Variants in PVT1 observed in about 807,000 individuals in gnomAD.
PVT1 encodes the protein CXCR4/PVT1 fusion.
intron 3 of PVT1, among the ~76,000 whole-genome samples, chr8:127,946,174 CT>C (rs1816418023): frequency 6.6e-6 from 1 of 152,222 alleles, no homozygotes; most frequent in Non-Finnish European, 1.5e-5. Flanking sequence ...ATTGGCCTTT[CT>C]GCTCATGCTT....
At chr8:127,851,063 CTAAGCATTTT>C (rs1206125684) in intron 2 of PVT1, among the ~76,000 whole-genome samples, 7 of 151,820 alleles carry the variant, frequency 4.6e-5, no homozygotes, top group South Asian at 2.1e-4. Context: ...GAAAAGATTT[CTAAGCATTTT>C]TAAGCATTTT....
chr8:127,837,258 C>T (rs568479325), intron 2 of PVT1, among the ~76,000 whole-genome samples: 1 of 152,294 alleles, frequency 6.6e-6, no homozygotes, highest in East Asian at 1.9e-4. Flanking sequence ...GGCTCGCCTT[C>T]CATCCAGCTG....
chr8:127,959,540 G>C (rs1816612407), intron 3 of PVT1, among the ~76,000 whole-genome samples: 1 of 148,458 alleles, frequency 6.7e-6, no homozygotes, highest in Non-Finnish European at 1.5e-5. Flanking sequence ...AGCCGAGATG[G>C]CGCCACTCTA....
At chr8:128,071,719 T>A (rs1005072252) in intron 5 of PVT1, among the ~76,000 whole-genome samples, 5 of 150,530 alleles carry the variant, frequency 3.3e-5, no homozygotes, top group Non-Finnish European at 5.9e-5. Flanking sequence ...AATAAATAAA[T>A]AAAAATAAAA....
At position 127,881,421 on chromosome 8, in the gene PVT1, ATAT is replaced by A. The variant is rs577687762; in HGVS notation, n.373-9163_373-9161del. ...GATAATAATAATAATATTATTATTA[ATAT>A]TATTGTTATTATATTATTATTATTA... On this transcript the variant is annotated intron_variant and non_coding_transcript_variant, in intron 2 of 10. Coordinates refer to ENST00000651587, the Ensembl canonical transcript of PVT1. 5.9e-3 allele frequency among the ~76,000 whole-genome samples: 828 copies of A among 140,840 alleles called. 2 individuals carry two copies. Among genetic ancestry groups the A allele is most frequent in the Non-Finnish European group, 8.3e-3 (550 of 66,522 alleles). The allele number at this position is 140,840 out of a possible 152,430, so 92.4% of individuals were successfully genotyped here.
chr8:127,981,067 A>T (rs774582835), intron 3 of PVT1, among the ~76,000 whole-genome samples: 4 of 152,142 alleles, frequency 2.6e-5, no homozygotes. Flanking sequence ...AAGTGCTGGG[A>T]TTATAGACGT....
chr8:127,971,812 G>A (rs377374109), intron 3 of PVT1, among the ~76,000 whole-genome samples: 2 of 152,154 alleles, frequency 1.3e-5, no homozygotes, highest in Middle Eastern at 3.2e-3. Context: ...TGTCACCACC[G>A]GGACAGAAAC....
chr8:128,029,950 A>AT (rs767004061), intron 4 of PVT1, among the ~76,000 whole-genome samples: 40 of 152,210 alleles, frequency 2.6e-4, no homozygotes, highest in African/African-American at 6.5e-4. Flanking sequence ...CTTTATAAAA[A>AT]TTTTTTTTAA....
At chr8:127,841,454 A>T (rs1217810342) in intron 2 of PVT1, among the ~76,000 whole-genome samples, 1 of 151,844 alleles carries the variant, frequency 6.6e-6, no homozygotes, top group Middle Eastern at 3.2e-3. Context: ...TTGTATTTTT[A>T]GTAGAGAGGG....
intron 4 of PVT1, among the ~76,000 whole-genome samples, chr8:128,019,282 C>T (rs1262351327): frequency 6.6e-6 from 1 of 152,188 alleles, no homozygotes; most frequent in Non-Finnish European, 1.5e-5. Context: ...GCTATAATTG[C>T]ACCAATCTTA....
intron 3 of PVT1, among the ~76,000 whole-genome samples, chr8:127,970,612 A>G (rs946136653): frequency 6.6e-6 from 1 of 151,896 alleles, no homozygotes; most frequent in Non-Finnish European, 1.5e-5. Flanking sequence ...TTGTTTTTTT[A>G]CTAGCCGTCA....
At chr8:128,049,022 G>A (rs1460103692) in intron 4 of PVT1, 5 of 401,140 alleles carry the variant, frequency 1.2e-5, no homozygotes, top group Non-Finnish European at 2.5e-5. Context: ...CCAGCCATAT[G>A]TTTAAGCTTG....
chr8:127,931,680 C>T (rs1008402567), intron 3 of PVT1, among the ~76,000 whole-genome samples: 3 of 152,204 alleles, frequency 2.0e-5, no homozygotes, highest in Non-Finnish European at 4.4e-5. Flanking sequence ...AACCACTGAG[C>T]GGCACTGCCA....
chr8:128,076,247 G>T (rs1026926043), intron 5 of PVT1, among the ~76,000 whole-genome samples: 8 of 152,136 alleles, frequency 5.3e-5, no homozygotes, highest in African/African-American at 1.9e-4. Flanking sequence ...GCAGCCTGAA[G>T]CTCTTTAGAC....
At chr8:128,074,368 A>T (rs939805692) in intron 5 of PVT1, among the ~76,000 whole-genome samples, 5 of 151,894 alleles carry the variant, frequency 3.3e-5, no homozygotes, top group African/African-American at 9.7e-5. Context: ...AAAATAAAAA[A>T]AAAAATTAGT....
intron 4 of PVT1, among the ~76,000 whole-genome samples, chr8:128,004,470 G>A (rs538869747): frequency 1.3e-5 from 2 of 152,278 alleles, no homozygotes; most frequent in South Asian, 2.1e-4. Context: ...CCTCTCTGCC[G>A]AGAGAGTCCT....
chr8:128,068,002 A>G (rs141269401), intron 4 of PVT1, among the ~76,000 whole-genome samples: 2 of 146,552 alleles, frequency 1.4e-5, no homozygotes, highest in African/African-American at 5.1e-5. Context: ...AACCACATCT[A>G]TAAAAACAAT....
At chr8:127,810,738 G>T (rs1814585375) in intron 2 of PVT1, among the ~76,000 whole-genome samples, 1 of 152,180 alleles carries the variant, frequency 6.6e-6, no homozygotes, top group Non-Finnish European at 1.5e-5. Context: ...CATAGTGAGA[G>T]AATCAGCCAG....
At chr8:127,923,983 A>T (rs1292432402) in intron 3 of PVT1, among the ~76,000 whole-genome samples, 2 of 152,248 alleles carry the variant, frequency 1.3e-5, no homozygotes, top group Non-Finnish European at 2.9e-5. Context: ...TGCTCGGGGC[A>T]GGAGACAAAA....
Sources: gnomAD v4.1 joint callset for allele counts (sites outside exome capture counted in the v4.1 genomes callset) on GRCh38, gnomAD v4.1.1 for gene constraint, MANE v1.5 for transcripts, NCBI Gene and HGNC (gene_info 2026-07-23, HGNC 2026-07-21) for gene names.